The following USP45 variants were observed in gnomAD, a reference collection of about 807,000 sequenced individuals.
The protein encoded by USP45 is ubiquitin carboxyl-terminal hydrolase 45.
A neutral mutation model predicts 95.8 loss-of-function variants in USP45; 89 were observed. The observed-to-expected ratio is 0.93, with a 90% CI of 0.78 to 1.11. The LOEUF is 1.11. USP45 is among the 50% of genes least tolerant of loss of function. The probability of loss-of-function intolerance (pLI) is 0.00; values close to 1 mark genes in which losing one functional copy is unlikely to be tolerated. For missense variants in USP45, 898 were observed against 942.5 expected (o/e 0.95, Z 0.62); for synonymous variants, 281 against 316.2 (o/e 0.89, Z 1.18).
At chr6:99,504,336 C>T (rs548642693) in intron 4 of USP45, among the ~76,000 whole-genome samples, 1 of 152,254 alleles carries the variant, frequency 6.6e-6, no homozygotes, top group African/African-American at 2.4e-5. Flanking sequence ...GATGGGGTTT[C>T]ACCATGTTGG....
chr6:99,509,426 A>T (rs1799272567), intron 2 of USP45, among the ~76,000 whole-genome samples: 1 of 152,232 alleles, frequency 6.6e-6, no homozygotes, highest in Non-Finnish European at 1.5e-5. Context: ...GTTTGTGTAT[A>T]GCTGTATGCA....
chr6:99,440,906 G>T (rs558558486), intron 15 of USP45, among the ~76,000 whole-genome samples: 1 of 152,238 alleles, frequency 6.6e-6, no homozygotes, highest in South Asian at 2.1e-4. Context: ...TCCTCAATCA[G>T]TACTTTGCTG....
At chr6:99,502,616 C>G (rs541077175) in intron 5 of USP45, among the ~76,000 whole-genome samples, 30 of 152,310 alleles carry the variant, frequency 2.0e-4, no homozygotes, top group African/African-American at 6.3e-4. Flanking sequence ...ACATATGTGT[C>G]AAGTACTGAT....
At chr6:99,458,380 C>T (rs1320004390) in intron 13 of USP45, among the ~76,000 whole-genome samples, 3 of 152,288 alleles carry the variant, frequency 2.0e-5, no homozygotes, top group African/African-American at 7.2e-5. Context: ...CCCTAAACAC[C>T]ATCCATGTAC....
chr6:99,455,061 G>A (rs1384200372), intron 13 of USP45, among the ~76,000 whole-genome samples: 1 of 142,034 alleles, frequency 7.0e-6, no homozygotes, highest in Non-Finnish European at 1.5e-5. Context: ...CTGCACTCCA[G>A]CCCGGGTGAC....
At chr6:99,450,263 TCAA>T (rs745598751) in intron 13 of USP45, among the ~76,000 whole-genome samples, 18 of 151,064 alleles carry the variant, frequency 1.2e-4, no homozygotes, top group Non-Finnish European at 2.1e-4. Context: ...TTTGAAAAGA[TCAA>T]CAAAATCGAT....
intron 15 of USP45, among the ~76,000 whole-genome samples, chr6:99,442,388 A>T (rs1781689616): frequency 6.6e-6 from 1 of 152,222 alleles, no homozygotes. Context: ...TTCAGAACTT[A>T]ATCTAATCTG....
chr6:99,470,848 T>C (rs1789225518), intron 9 of USP45, among the ~76,000 whole-genome samples: 1 of 152,228 alleles, frequency 6.6e-6, no homozygotes, highest in African/African-American at 2.4e-5. Context: ...ATATTTCAGA[T>C]AATCATAACA....
At chr6:99,460,933 T>C (rs1786293538) in intron 13 of USP45, 8 of 982,506 alleles carry the variant, frequency 8.1e-6, no homozygotes, top group Non-Finnish European at 9.7e-6. Flanking sequence ...ATGGGATGTA[T>C]AGAAAAAACA....
intron 9 of USP45, among the ~76,000 whole-genome samples, chr6:99,471,768 A>ACACT (rs1789456317): frequency 6.6e-6 from 1 of 152,196 alleles, no homozygotes; most frequent in Non-Finnish European, 1.5e-5. Flanking sequence ...GGCAGACATA[A>ACACT]CACTGTAGCC....
chr6:99,482,191 T>C (rs968725506), intron 8 of USP45: 1 of 152,224 alleles, frequency 6.6e-6, no homozygotes, highest in African/African-American at 2.4e-5. Flanking sequence ...TACCCCTGAA[T>C]TGTAGCAAGT....
At chr6:99,460,238 T>A (rs1173982288) in intron 13 of USP45, among the ~76,000 whole-genome samples, 1 of 152,128 alleles carries the variant, frequency 6.6e-6, no homozygotes, top group Non-Finnish European at 1.5e-5. Flanking sequence ...TACTATCAAA[T>A]CAGTACTTGT....
chr6:99,441,393 G>T (rs546595169), intron 15 of USP45, among the ~76,000 whole-genome samples: 12 of 152,008 alleles, frequency 7.9e-5, no homozygotes, highest in Non-Finnish European at 4.4e-5. Flanking sequence ...TTAGCCAGGT[G>T]TGGTGGTGGG....
Position 99,510,135 on chromosome 6 carries a change from G to A in USP45, c.86C>T (p.Ser29Leu). ...TCACAATTTACCAGCAATATCATCT[G>A]AAGAGTCTTCATCATGAGGTACAGT... ...RPTVPHDEDS[S>L]DDIAVGLTCQ... is the part of the protein sequence containing the mutation. Residue 29 changes from serine (S) to leucine (L), a missense_variant, in exon 2 of 18, where the codon TCA becomes TTA. Coordinates refer to ENST00000500704, the MANE Select transcript of USP45 (RefSeq NM_001346022.3). 2.5e-6 allele frequency: 4 copies of A among 1,612,074 alleles called. No homozygotes were observed. The highest frequency in any genetic ancestry group is 3.3e-4 in the Middle Eastern group (2 of 6,054).
At chr6:99,481,222 T>G (rs1182231031) in intron 8 of USP45, among the ~76,000 whole-genome samples, 1 of 152,222 alleles carries the variant, frequency 6.6e-6, no homozygotes, top group Non-Finnish European at 1.5e-5. Context: ...TATACACACA[T>G]GTGCTAACAT....
At chr6:99,489,251 G>C (rs1794656105) in intron 5 of USP45, among the ~76,000 whole-genome samples, 1 of 152,174 alleles carries the variant, frequency 6.6e-6, no homozygotes. Flanking sequence ...TGCTCAAAAT[G>C]TGTGATTGGG....
chr6:99,443,219 A>C (rs1349296238), intron 15 of USP45, among the ~76,000 whole-genome samples: 1 of 151,962 alleles, frequency 6.6e-6, no homozygotes, highest in African/African-American at 2.4e-5. Flanking sequence ...TCTTATTTCC[A>C]TCTGGTCTCG....
intron 9 of USP45, among the ~76,000 whole-genome samples, chr6:99,470,347 T>A (rs1193226830): frequency 6.6e-6 from 1 of 152,236 alleles, no homozygotes; most frequent in Non-Finnish European, 1.5e-5. Flanking sequence ...ATGTTTCTTC[T>A]GTGTATGATA....
At chr6:99,496,810 C>A (rs1475281904) in intron 5 of USP45, among the ~76,000 whole-genome samples, 1 of 151,264 alleles carries the variant, frequency 6.6e-6, no homozygotes, top group Non-Finnish European at 1.5e-5. Context: ...CAAAACTGAG[C>A]ATACGTTAAT....
Sources: gnomAD v4.1 joint callset for allele counts (sites outside exome capture counted in the v4.1 genomes callset) on GRCh38, gnomAD v4.1.1 for gene constraint, MANE v1.5 for transcripts, NCBI Gene and HGNC (gene_info 2026-07-23, HGNC 2026-07-21) for gene names.